CDH20: variants seen among roughly 807,000 people sequenced by gnomAD.
CDH20 encodes the protein cadherin 20, also known as cadherin-20.
CDH20 carries 29 observed loss-of-function variants against 74.2 expected under a neutral mutation model. That is an observed-to-expected ratio of 0.39 (90% CI 0.29 to 0.53). The LOEUF is 0.53. Among genes scored for constraint, CDH20 ranks in the 20% least tolerant of loss-of-function variants. The pLI is 0.69. For synonymous variants in CDH20, 469 were observed against 405.4 expected (o/e 1.16, Z -1.88); for missense variants, 988 against 1,048.3 (o/e 0.94, Z 0.79).
chr18:61,438,226 C>G (rs1007272794), intron 1 of CDH20, among the ~76,000 whole-genome samples: 2 of 152,104 alleles, frequency 1.3e-5, no homozygotes, highest in East Asian at 3.9e-4. Flanking sequence ...TTTCTTTCCC[C>G]TTGACTCCTC....
At chr18:61,425,353 A>G (rs1232270727) in intron 1 of CDH20, among the ~76,000 whole-genome samples, 1 of 152,216 alleles carries the variant, frequency 6.6e-6, no homozygotes, top group Admixed American at 6.5e-5. Context: ...AAAGTATCCT[A>G]TACCCTCAGA....
intron 1 of CDH20, among the ~76,000 whole-genome samples, chr18:61,436,633 G>A (rs151017045): frequency 9.2e-5 from 14 of 152,236 alleles, no homozygotes; most frequent in African/African-American, 1.9e-4. Flanking sequence ...AGTCATCAGC[G>A]TAATAATATC....
chr18:61,454,546 T>C (rs1909508121), intron 1 of CDH20, among the ~76,000 whole-genome samples: 1 of 151,884 alleles, frequency 6.6e-6, no homozygotes, highest in South Asian at 2.1e-4. Context: ...AAAGGAGGAG[T>C]CACTTCCTAC....
intron 1 of CDH20, among the ~76,000 whole-genome samples, chr18:61,386,050 C>T (rs138121619): frequency 6.6e-6 from 1 of 152,052 alleles, no homozygotes; most frequent in East Asian, 1.9e-4. Context: ...ATGCTTTATA[C>T]CTACCAAAAT....
rs528503262 is a variant in CDH20, at chr18:61,487,911, A to G, written c.-152-2491A>G. ...CTGTACATAAAATGTAGCCAGTGGA[A>G]GCAGAAGAGGAGACATCTGCACATA... is the stretch of plus-strand genomic sequence containing the variant. On this transcript the variant is annotated intron_variant, in intron 1 of 11. Coordinates refer to ENST00000262717, the MANE Select transcript of CDH20 (RefSeq NM_031891.4). Among the ~76,000 whole-genome samples the G allele has an allele frequency of 3.7e-4, 57 of 152,304 alleles. 1 individual carries two copies. In the South Asian group the frequency reaches 0.012, roughly 31 times the overall value.
At chr18:61,481,295 C>CAT (rs1018869699) in intron 1 of CDH20, among the ~76,000 whole-genome samples, 2 of 152,134 alleles carry the variant, frequency 1.3e-5, no homozygotes, top group African/African-American at 4.8e-5. Context: ...GTTAAAAATA[C>CAT]ATATATATTT....
At chr18:61,395,756 C>T (rs1011192144) in intron 1 of CDH20, among the ~76,000 whole-genome samples, 2 of 152,110 alleles carry the variant, frequency 1.3e-5, no homozygotes, top group East Asian at 1.9e-4. Context: ...TGACCTTGGC[C>T]AGGCGCGGTG....
In CDH20 at chr18:61,459,065, C is replaced by G. The variant is rs76170053; in HGVS notation, c.-152-31337C>G. On this transcript the variant is annotated intron_variant, in intron 1 of 11. Coordinates refer to ENST00000262717, the MANE Select transcript of CDH20 (RefSeq NM_031891.4). ...ATAGCTCCTAAGTGGAACATTATAT[C>G]TATCAGTCTTAAGTGCTGCTGTGGA... 9.8e-3 allele frequency among the ~76,000 whole-genome samples: 1,494 copies of G among 152,302 alleles called. 21 individuals carry two copies. The highest frequency in any genetic ancestry group is 0.033 in the African/African-American group (1,366 of 41,562).
At chr18:61,427,888 G>A (rs1479358357) in intron 1 of CDH20, among the ~76,000 whole-genome samples, 1 of 152,128 alleles carries the variant, frequency 6.6e-6, no homozygotes, top group African/African-American at 2.4e-5. Flanking sequence ...CCTAAATAAA[G>A]CTTCTAAAAC....
At chr18:61,339,463 G>C (rs2144086397) in intron 1 of CDH20, among the ~76,000 whole-genome samples, 1 of 151,716 alleles carries the variant, frequency 6.6e-6, no homozygotes, top group African/African-American at 2.4e-5. Flanking sequence ...GTACCCCATA[G>C]ATAATAATTT....
chr18:61,440,220 T>C (rs1336889503), intron 1 of CDH20, among the ~76,000 whole-genome samples: 1 of 152,150 alleles, frequency 6.6e-6, no homozygotes, highest in Non-Finnish European at 1.5e-5. Flanking sequence ...CCTTTCCCAA[T>C]AGGATGTAAG....
intron 9 of CDH20, 141 bp from the exon 10 acceptor site, chr18:61,544,886 C>T: frequency 1.5e-6 from 1 of 656,130 alleles, no homozygotes; most frequent in East Asian, 2.7e-5. Flanking sequence ...CCCAGCATTT[C>T]CCTGCCCCTC....
At chr18:61,365,000 T>C (rs1005935028) in intron 1 of CDH20, among the ~76,000 whole-genome samples, 2 of 152,214 alleles carry the variant, frequency 1.3e-5, no homozygotes, top group Non-Finnish European at 2.9e-5. Flanking sequence ...ATTTCCTTAA[T>C]CAGGGAAAGC....
At chr18:61,418,417 G>C (rs1030552720) in intron 1 of CDH20, among the ~76,000 whole-genome samples, 1 of 152,038 alleles carries the variant, frequency 6.6e-6, no homozygotes, top group Non-Finnish European at 1.5e-5. Flanking sequence ...AGCCGGGCGA[G>C]GTCGTGGGCG....
At chr18:61,396,620 G>C (rs1171436217) in intron 1 of CDH20, among the ~76,000 whole-genome samples, 1 of 152,180 alleles carries the variant, frequency 6.6e-6, no homozygotes, top group East Asian at 1.9e-4. Context: ...ATCAACCCAG[G>C]ATGTGGATAC....
At chr18:61,438,971 A>T (rs1908932992) in intron 1 of CDH20, among the ~76,000 whole-genome samples, 1 of 152,178 alleles carries the variant, frequency 6.6e-6, no homozygotes, top group South Asian at 2.1e-4. Context: ...ATGCAGCTGG[A>T]GGCCATTTTC....
At chr18:61,509,511 A>C (rs1911705015) in intron 6 of CDH20, among the ~76,000 whole-genome samples, 1 of 152,196 alleles carries the variant, frequency 6.6e-6, no homozygotes. Context: ...CAGTGGGGTC[A>C]TAAGGCTGAG....
intron 2 of CDH20, among the ~76,000 whole-genome samples, chr18:61,492,236 T>A (rs1480777563): frequency 2.6e-5 from 4 of 152,002 alleles, no homozygotes; most frequent in African/African-American, 7.2e-5. Context: ...TTCCTCCCTT[T>A]CCCCTGCCCA....
intron 1 of CDH20, among the ~76,000 whole-genome samples, chr18:61,472,968 C>T (rs1363399525): frequency 2.0e-5 from 3 of 152,174 alleles, no homozygotes; most frequent in East Asian, 3.8e-4. Flanking sequence ...TAGTTTCCAC[C>T]GTGGGTTAAG....
Sources: allele counts gnomAD v4.1 joint callset (sites outside exome capture counted in the v4.1 genomes callset), GRCh38; gene constraint gnomAD v4.1.1; transcripts MANE v1.5; gene names NCBI Gene and HGNC (gene_info 2026-07-23, HGNC 2026-07-21).